Variants in BCL3 observed in about 807,000 individuals in gnomAD.
BCL3 encodes BCL3 transcription coactivator, also known as B-cell lymphoma 3 protein.
Under a neutral mutation model 35.7 loss-of-function variants are expected in BCL3, and 15 were observed. The observed-to-expected ratio is 0.42, with a 90% CI of 0.28 to 0.65. The LOEUF (loss-of-function observed/expected upper bound fraction) is 0.65, where lower values mean the gene tolerates loss of function less well. BCL3 is among the 30% of genes least tolerant of loss of function. The pLI, the probability that BCL3 is intolerant of heterozygous loss-of-function variation, is 0.22. For synonymous variants in BCL3, 311 were observed against 284.3 expected (o/e 1.09, Z -0.95); for missense variants, 565 against 641.7 (o/e 0.88, Z 1.29).
rs761279156 is a variant in BCL3, at chr19:44,751,393, C to G, written c.410+13C>G. ...AGGACGGAGACACGTGAGTGACAGT[C>G]CCCTATTAAGGGGAGGGGTGGTTGG... On this transcript the variant is annotated intron_variant, in intron 2 of 8. Coordinates refer to ENST00000164227, the MANE Select transcript of BCL3 (RefSeq NM_005178.5). 2 of 1,558,982 alleles carry G rather than the reference C, an allele frequency of 1.3e-6. No homozygotes were observed. The highest frequency in any genetic ancestry group is 1.7e-6 in the Non-Finnish European group (2 of 1,158,334).
At chr19:44,754,855 G>A (rs1052861394) in intron 2 of BCL3, among the ~76,000 whole-genome samples, 1 of 152,266 alleles carries the variant, frequency 6.6e-6, no homozygotes, top group Non-Finnish European at 1.5e-5. Flanking sequence ...CTGAGGCTCC[G>A]AAAGGCCCCC....
chr19:44,747,866 C>A, upstream of BCL3: 1 of 1,148,148 alleles, frequency 8.7e-7, no homozygotes, highest in Middle Eastern at 3.9e-4. Flanking sequence ...CCCGGTGCCC[C>A]GCGGGCCCCG....
chr19:44,749,059 C>T lies in BCL3; in HGVS notation c.256+13C>T. On this transcript the variant is annotated intron_variant, in intron 1 of 8. Coordinates refer to ENST00000164227, the MANE Select transcript of BCL3 (RefSeq NM_005178.5). The stretch of plus-strand genomic sequence containing the variant: ...CTTTACTACCCCGGTGAGTGGCCCC[C>T]GAGGGTCCGGGCCGGGTGGGATCCA... 7.7e-7 allele frequency: 1 copy of T among 1,301,068 alleles called. No homozygotes were observed. The highest frequency in any genetic ancestry group is 4.0e-5 in the Admixed American group (1 of 25,122). The allele number at this position is 1,301,068 out of a possible 1,614,324, so 80.6% of individuals were successfully genotyped here.
In BCL3 at chr19:44,749,029, A is replaced by G; in HGVS notation, c.239A>G (p.Glu80Gly). The G allele has an allele frequency of 2.2e-6, 3 of 1,358,544 alleles. No individual in the cohort carries two copies. Among genetic ancestry groups the G allele is most frequent in the Non-Finnish European group, 1.9e-6 (2 of 1,057,792 alleles). 84.2% of individuals were successfully genotyped at this position (1,358,544 alleles called of 1,614,324 possible). A position where few individuals can be genotyped will look rare whatever the true frequency, so the allele number is the denominator to read the frequency against. The change falls in exon 1 of 9, where the codon GAG becomes GGG. Residue 80 changes from glutamate to glycine, a missense_variant. Around this residue, in one of 5 missense-constraint regions of BCL3, gnomAD observed 267 missense variants for 281.5 expected, o/e 0.95. Transcript: ENST00000164227. ...CCCCCCCACGGCCTGGCCCGGCCGGAGGCGCTTTACTACCCCGGTGAGTGG... is the reference window on the plus strand; with the variant it reads ...CCCCCCCACGGCCTGGCCCGGCCGGGGGCGCTTTACTACCCCGGTGAGTGG... ...PGPPHGLARP[E>G]ALYYPGALLP... is the part of the protein sequence containing the mutation.
In BCL3 at chr19:44,757,737, C is replaced by T. The variant is rs757829633; in HGVS notation, c.891+14C>T. 4 of 1,612,664 alleles carry T rather than the reference C, an allele frequency of 2.5e-6. No individual in the cohort carries two copies. The highest frequency in any genetic ancestry group is 3.4e-6 in the Non-Finnish European group (4 of 1,179,242). On this transcript the variant is annotated intron_variant, in intron 6 of 8. Transcript: ENST00000164227. This position sits in a 1 kb window ranked among gnomAD's most constrained non-coding sequence, Gnocchi z 8.4. ...CTGCTGCTGCAGGTGCGTACAGCCCCCCTGAGCCTCGCGCCCACCCTATCC... is the reference window on the plus strand; with the variant it reads ...CTGCTGCTGCAGGTGCGTACAGCCCTCCTGAGCCTCGCGCCCACCCTATCC...
chr19:44,758,005 C>T (rs1480550493), intron 6 of BCL3, among the ~76,000 whole-genome samples: 1 of 152,208 alleles, frequency 6.6e-6, no homozygotes, highest in East Asian at 1.9e-4. Flanking sequence ...ACGCATTGTC[C>T]TTCCCCCCTC....
Position 44,757,672 on chromosome 19 carries a change from C to T in BCL3, c.840C>T (p.Leu280=). The change falls in exon 6 of 9, where the codon CTC becomes CTT. Residue 280 remains leucine, a synonymous_variant. Transcript: ENST00000164227. This position sits in a 1 kb window ranked among gnomAD's most constrained non-coding sequence, Gnocchi z 8.4. Reference sequence around the variant, plus strand: ...ACATTAAGAGCGGCCGCTCCCCGCTCATCCACGCCGTGGAAAACAACAGCC... The same window carrying T: ...ACATTAAGAGCGGCCGCTCCCCGCTTATCCACGCCGTGGAAAACAACAGCC... ...AVDIKSGRSP[L]IHAVENNSLS... 1 of 1,613,932 alleles carries T rather than the reference C, an allele frequency of 6.2e-7. No individual in the cohort carries two copies. Among genetic ancestry groups the T allele is most frequent in the Non-Finnish European group, 8.5e-7 (1 of 1,179,920 alleles).
rs2927458 is a variant in BCL3 at position 44,752,116 on chromosome 19, G to C, written c.410+736G>C. Among the ~76,000 whole-genome samples the C allele has an allele frequency of 1.8e-3, 269 of 150,608 alleles. 1 individual carries two copies. The highest frequency in any genetic ancestry group is 6.1e-3 in the African/African-American group (251 of 40,930). On this transcript the variant is annotated intron_variant, in intron 2 of 8. Transcript: ENST00000164227. Reference sequence around the variant, plus strand: ...CACACACACACACACACACAAACTTGAAATTAAAATTGCACAAAATGAAAC... The same window carrying C: ...CACACACACACACACACACAAACTTCAAATTAAAATTGCACAAAATGAAAC...
chr19:44,757,246 C>T lies in BCL3; in HGVS notation c.724+25C>T. 3 of 1,552,358 alleles carry T rather than the reference C, an allele frequency of 1.9e-6. No individual in the cohort carries two copies. On this transcript the variant is annotated intron_variant, in intron 4 of 8. Transcript: ENST00000164227. The surrounding 1 kb of genome is among the most constrained non-coding windows in gnomAD (Gnocchi z 8.4). ...GGTAAGCATTTACCGCGGGGCACCG[C>T]TGGGCTGTCCAGCGGACCTGGAGTC...
Position 44,748,897 on chromosome 19 carries a change from C to T in BCL3, c.107C>T (p.Pro36Leu), listed in dbSNP as rs969258640. The stretch of plus-strand genomic sequence containing the variant: ...GCCGCGCTGCCGCTCCGCAAGCGCC[C>T]GCTGCGCGCGCCCTCCCCGGAGCCC... ...PGAALPLRKR[P>L]LRAPSPEPAA... is the part of the protein sequence containing the mutation. Residue 36 changes from proline (P) to leucine (L), a missense_variant, in exon 1 of 9, where the codon CCG becomes CTG. This residue lies in a region of BCL3 where 267 missense variants were observed against 281.5 expected (regional missense o/e 0.95). Transcript: ENST00000164227. The T allele has an allele frequency of 2.8e-5, 32 of 1,133,814 alleles. No homozygotes were observed. The South Asian group carries it at 2.9e-4, about 10-fold the overall frequency. 70.2% of individuals were successfully genotyped at this position (1,133,814 alleles called of 1,614,324 possible).
At position 44,757,815 on chromosome 19, in the gene BCL3, A is replaced by G. The variant is rs2122306922; in HGVS notation, c.891+92A>G. On this transcript the variant is annotated intron_variant, in intron 6 of 8. Coordinates refer to ENST00000164227, the MANE Select transcript of BCL3 (RefSeq NM_005178.5). The surrounding 1 kb of genome is among the most constrained non-coding windows in gnomAD (Gnocchi z 8.4). ...GCCCCTAGCTCTGACCCCGCCTTCC[A>G]CTTCTGGCTCCGGCTCCTGCTCCGC... 1.6e-6 allele frequency: 2 copies of G among 1,268,548 alleles called. No homozygotes were observed. Among genetic ancestry groups the G allele is most frequent in the Non-Finnish European group, 2.3e-6 (2 of 888,048 alleles). 78.6% of individuals were successfully genotyped at this position (1,268,548 alleles called of 1,614,324 possible).
rs1363507890 is a variant in BCL3, at chr19:44,757,328, G to A, written c.726G>A (p.Gly242=). The change falls in exon 5 of 9, where the codon GGG becomes GGA. Residue 242 remains glycine (G), a splice_region_variant and synonymous_variant. Coordinates refer to ENST00000164227, the MANE Select transcript of BCL3 (RefSeq NM_005178.5). This position sits in a 1 kb window ranked among gnomAD's most constrained non-coding sequence, Gnocchi z 8.4. ...TCACCGAGCCCTCCTCTCCCTCAGGGCTCACCGCCCTGCACGTGGCAGTGA... is the reference window on the plus strand; with the variant it reads ...TCACCGAGCCCTCCTCTCCCTCAGGACTCACCGCCCTGCACGTGGCAGTGA... ...TLDLEARNYD[G]LTALHVAVNT... is the part of the protein sequence containing the mutation. 6 of 1,600,948 alleles carry A rather than the reference G, an allele frequency of 3.7e-6. No homozygotes were observed. The highest frequency in any genetic ancestry group is 5.1e-6 in the Non-Finnish European group (6 of 1,174,160).
At chr19:44,755,733 C>G (rs1396957940) in intron 2 of BCL3, among the ~76,000 whole-genome samples, 1 of 152,080 alleles carries the variant, frequency 6.6e-6, no homozygotes, top group African/African-American at 2.4e-5. Context: ...GCCTGGCCAA[C>G]ATGGTGAAAC....
upstream of BCL3, chr19:44,747,820 TTCTCTC>T: frequency 1.8e-6 from 2 of 1,116,522 alleles, no homozygotes; most frequent in Non-Finnish European, 2.2e-6. Context: ...CCATGTCTCT[TTCTCTC>T]TGTGCACCTA....
rs144333249 is a variant in BCL3 at position 44,759,977 on chromosome 19, G to T, written c.*362G>T. 7.1e-6 allele frequency: 2 copies of T among 283,682 alleles called. No homozygotes were observed. Among genetic ancestry groups the T allele is most frequent in the Middle Eastern group, 9.5e-4 (1 of 1,052 alleles). The allele number at this position is 283,682 out of a possible 1,614,324, so 17.6% of individuals were successfully genotyped here. Reference sequence around the variant, plus strand: ...GGGAGAGGTGGGCCGTAACGGGCACGGATCACGATGTAAATTATTAAGCAT... The same window carrying T: ...GGGAGAGGTGGGCCGTAACGGGCACTGATCACGATGTAAATTATTAAGCAT... On this transcript the variant is annotated 3_prime_UTR_variant, in exon 9 of 9. Coordinates refer to ENST00000164227, the MANE Select transcript of BCL3 (RefSeq NM_005178.5).
chr19:44,754,527 G>A (rs1240915831), intron 2 of BCL3, among the ~76,000 whole-genome samples: 3 of 152,150 alleles, frequency 2.0e-5, no homozygotes, highest in Non-Finnish European at 4.4e-5. Context: ...CCGAGGGCTG[G>A]GTCGCCCCTC....
rs116951192 is a variant in BCL3, at chr19:44,756,178, G to C, written c.411-54G>C. 9.1e-3 allele frequency: 11,277 copies of C among 1,242,256 alleles called. 64 individuals are homozygous for C. Among genetic ancestry groups the C allele is most frequent in the Non-Finnish European group, 9.8e-3 (9,234 of 939,782 alleles). 77.0% of individuals were successfully genotyped at this position (1,242,256 alleles called of 1,614,324 possible). A position where few individuals can be genotyped will look rare whatever the true frequency, so the allele number is the denominator to read the frequency against. On this transcript the variant is annotated intron_variant, in intron 2 of 8. Transcript: ENST00000164227. ...AGTTAGCATTGCCAACAGCATGAGG[G>C]TGAGAGGTGAACAACCCCTAATGCC...
chr19:44,749,326 T>TG (rs1967133259), intron 1 of BCL3, among the ~76,000 whole-genome samples: 1 of 134,086 alleles, frequency 7.5e-6, no homozygotes, highest in Non-Finnish European at 1.6e-5. Context: ...GGTACAAATA[T>TG]GGGGGTGTCA....
chr19:44,752,076 C>T (rs888949504), intron 2 of BCL3, among the ~76,000 whole-genome samples: 22 of 130,240 alleles, frequency 1.7e-4, no homozygotes, highest in Admixed American at 5.0e-4. Flanking sequence ...ATCTCAAACC[C>T]AGCACACACA....
Sources: allele counts gnomAD v4.1 joint callset (sites outside exome capture counted in the v4.1 genomes callset), GRCh38; gene constraint gnomAD v4.1.1; regional missense constraint gnomAD v4.1.1; non-coding constraint Gnocchi (gnomAD v3.1); transcripts MANE v1.5; gene names NCBI Gene and HGNC (gene_info 2026-07-23, HGNC 2026-07-21).